The following ORAI2 variants were observed in gnomAD, a reference collection of about 807,000 sequenced individuals.
ORAI2 encodes ORAI calcium release-activated calcium modulator 2.
Under a neutral mutation model 16.2 loss-of-function variants are expected in ORAI2, and 10 were observed. The observed-to-expected ratio is 0.62, with a 90% CI of 0.38 to 1.04. The LOEUF (loss-of-function observed/expected upper bound fraction) is 1.04, where lower values mean the gene tolerates loss of function less well. ORAI2 is among the 50% of genes least tolerant of loss of function. ORAI2 has a pLI of 0.01. For missense variants in ORAI2, 238 were observed against 355.5 expected, an observed-to-expected ratio of 0.67 and a Z score of 2.66; for synonymous variants, 150 against 157.5, an observed-to-expected ratio of 0.95 and a Z score of 0.35.
chr7:102,444,506 GCCCCCCA>G (rs1797292442), intron 3 of ORAI2, among the ~76,000 whole-genome samples: 1 of 44,248 alleles, frequency 2.3e-5, no homozygotes, highest in African/African-American at 8.6e-5. Flanking sequence ...GCCCCCCCCC[GCCCCCCA>G]CCCTCCAGCC....
In ORAI2 at chr7:102,433,861, G is replaced by T. The variant is rs1228092724; in HGVS notation, c.-123+200G>T. ...GGCGCCCAGAGGATCAGGGTCGGCG[G>T]CGCAGCCGGTTCCGGACACCGGGGC... On this transcript the variant is annotated intron_variant, in intron 1 of 3. Coordinates refer to ENST00000495936, the MANE Select transcript of ORAI2 (RefSeq NM_001126340.3). The surrounding 1 kb of genome is among the most constrained non-coding windows in gnomAD (Gnocchi z 4.6). 6.6e-6 allele frequency among the ~76,000 whole-genome samples: 1 copy of T among 151,956 alleles called. No individual in the cohort carries two copies. The highest frequency in any genetic ancestry group is 6.5e-5 in the Admixed American group (1 of 15,268).
chr7:102,439,955 G>A lies in ORAI2; in HGVS notation c.225+774G>A, dbSNP rs533306902. ...AAATTAGCTGGGTATGGTAGCAGGC[G>A]CCTGTAATCCCAGCTACTTGGGAGG... On this transcript the variant is annotated intron_variant, in intron 3 of 3. Coordinates refer to ENST00000495936, the MANE Select transcript of ORAI2 (RefSeq NM_001126340.3). Among the ~76,000 whole-genome samples, 17 of 151,260 alleles carry A rather than the reference G, an allele frequency of 1.1e-4. No homozygotes were observed. The East Asian group carries it at 2.3e-3, about 21-fold the overall frequency.
chr7:102,446,167 T>C (rs1797357715), intron 3 of ORAI2, among the ~76,000 whole-genome samples: 1 of 152,246 alleles, frequency 6.6e-6, no homozygotes, highest in Non-Finnish European at 1.5e-5. Context: ...CAGGCTGGTC[T>C]CCAGCTCCTG....
intron 3 of ORAI2, among the ~76,000 whole-genome samples, chr7:102,442,237 G>T (rs538389445): frequency 1.3e-5 from 2 of 151,880 alleles, no homozygotes; most frequent in Admixed American, 6.6e-5. Flanking sequence ...CCAACATGGG[G>T]AAACCCTGTC....
At position 102,456,763 on chromosome 7, in the gene ORAI2, A is replaced by G. The variant is rs1797660064; in HGVS notation, c.*9711A>G. The G allele has an allele frequency of 6.6e-6, 1 of 152,234 alleles. No individual in the cohort carries two copies. Among genetic ancestry groups the G allele is most frequent in the South Asian group, 2.1e-4 (1 of 4,838 alleles). 9.4% of individuals were successfully genotyped at this position (152,234 alleles called of 1,614,324 possible). ...CACATTCCCCAAATGAAGGGACTGG[A>G]CAGTGAGATATCGGGAAACCCCATG... On this transcript the variant is annotated 3_prime_UTR_variant, in exon 4 of 4. Transcript: ENST00000495936.
rs1221498240 is a variant in ORAI2 at position 102,448,659 on chromosome 7, G to A, written c.*1607G>A. 2.0e-5 allele frequency: 3 copies of A among 149,684 alleles called. No homozygotes were observed. Among genetic ancestry groups the A allele is most frequent in the Non-Finnish European group, 4.4e-5 (3 of 67,854 alleles). 9.3% of individuals were successfully genotyped at this position (149,684 alleles called of 1,614,324 possible). A position where few individuals can be genotyped will look rare whatever the true frequency, so the allele number is the denominator to read the frequency against. Reference sequence around the variant, plus strand: ...GTGAACCCGGGAGGCAGAGCTTGCAGTGAGCTGAGATGGCGCCACTGCACT... The same window carrying A: ...GTGAACCCGGGAGGCAGAGCTTGCAATGAGCTGAGATGGCGCCACTGCACT... On this transcript the variant is annotated 3_prime_UTR_variant, in exon 4 of 4. Transcript: ENST00000495936.
Position 102,447,698 on chromosome 7 carries a change from G to A in ORAI2, c.*646G>A, listed in dbSNP as rs952694094. 2 of 152,790 alleles carry A rather than the reference G, an allele frequency of 1.3e-5. No homozygotes were observed. Among genetic ancestry groups the A allele is most frequent in the Non-Finnish European group, 2.9e-5 (2 of 68,526 alleles). 9.5% of individuals were successfully genotyped at this position (152,790 alleles called of 1,614,324 possible). On this transcript the variant is annotated 3_prime_UTR_variant, in exon 4 of 4. Coordinates refer to ENST00000495936, the MANE Select transcript of ORAI2 (RefSeq NM_001126340.3). ...GCAGTGGGGTCAGGCCCTGGGGGAT[G>A]TTTCCAATGGTGGGCAGCCTGGCCA...
intron 2 of ORAI2, among the ~76,000 whole-genome samples, chr7:102,438,108 G>A (rs2133222543): frequency 6.6e-6 from 1 of 151,900 alleles, no homozygotes; most frequent in Admixed American, 6.6e-5. Flanking sequence ...AGCACTTTGG[G>A]AGGCTGAGGC....
At chr7:102,442,154 G>C (rs900222787) in intron 3 of ORAI2, among the ~76,000 whole-genome samples, 4 of 152,148 alleles carry the variant, frequency 2.6e-5, no homozygotes, top group African/African-American at 7.2e-5. Flanking sequence ...GGTGGCTCAC[G>C]CCTGTAATCC....
intron 3 of ORAI2, 64 bp downstream of exon 3, chr7:102,439,245 G>A: frequency 7.2e-7 from 1 of 1,398,374 alleles, no homozygotes. Flanking sequence ...GAGGTCCCGG[G>A]ATGCCTCAGG....
chr7:102,444,588 T>C (rs540022932), intron 3 of ORAI2, among the ~76,000 whole-genome samples: 22 of 149,402 alleles, frequency 1.5e-4, no homozygotes, highest in African/African-American at 4.5e-4. Context: ...TGTTTTTTTT[T>C]CTTTAAACAG....
At position 102,446,932 on chromosome 7, in the gene ORAI2, C is replaced by T. The variant is rs778003988; in HGVS notation, c.645C>T (p.Thr215=). 5.6e-6 allele frequency: 9 copies of T among 1,612,874 alleles called. No homozygotes were observed. The highest frequency in any genetic ancestry group is 7.6e-6 in the Non-Finnish European group (9 of 1,179,966). ...VPVGLIFVVF[T]IHFYRSLVRH... is the part of the protein sequence containing the mutation. ...TGGGCCTCATCTTCGTGGTCTTCACCATCCACTTCTACCGCTCCCTGGTGC... is the reference window on the plus strand; with the variant it reads ...TGGGCCTCATCTTCGTGGTCTTCACTATCCACTTCTACCGCTCCCTGGTGC... Residue 215 remains threonine (T), a synonymous_variant, in exon 4 of 4, where the codon ACC becomes ACT. Transcript: ENST00000495936.
Position 102,453,744 on chromosome 7 carries a change from T to C in ORAI2, c.*6692T>C, listed in dbSNP as rs1272027762. 2 of 152,254 alleles carry C rather than the reference T, an allele frequency of 1.3e-5. No homozygotes were observed. Among genetic ancestry groups the C allele is most frequent in the Non-Finnish European group, 2.9e-5 (2 of 68,106 alleles). The allele number at this position is 152,254 out of a possible 1,614,324, so 9.4% of individuals were successfully genotyped here. On this transcript the variant is annotated 3_prime_UTR_variant, in exon 4 of 4. Transcript: ENST00000495936. ...AGATCATCGACGCAGACTTTTTTTT[T>C]CCCAGATAGAGTCTCACTCTGTCGT...
chr7:102,439,956 C>T (rs989038037), intron 3 of ORAI2, among the ~76,000 whole-genome samples: 4 of 151,908 alleles, frequency 2.6e-5, no homozygotes, highest in Admixed American at 1.3e-4. Flanking sequence ...GTAGCAGGCG[C>T]CTGTAATCCC....
chr7:102,444,959 G>A (rs367989654), intron 3 of ORAI2, among the ~76,000 whole-genome samples: 7 of 152,066 alleles, frequency 4.6e-5, no homozygotes, highest in South Asian at 4.2e-4. Flanking sequence ...GAGCCACCGC[G>A]CCTGGCTGAC....
intron 3 of ORAI2, among the ~76,000 whole-genome samples, chr7:102,443,706 GTCT>G (rs1797274343): frequency 6.6e-6 from 1 of 151,518 alleles, no homozygotes; most frequent in African/African-American, 2.4e-5. Flanking sequence ...GGACTGCCAT[GTCT>G]TCTTTTTTCT....
At chr7:102,441,680 TC>T (rs1309319970) in intron 3 of ORAI2, among the ~76,000 whole-genome samples, 3 of 151,970 alleles carry the variant, frequency 2.0e-5, no homozygotes, top group Non-Finnish European at 4.4e-5. Context: ...TTTGTTTTTT[TC>T]CCCCAAGTAT....
chr7:102,440,443 C>G (rs1797167229), intron 3 of ORAI2, among the ~76,000 whole-genome samples: 4 of 152,238 alleles, frequency 2.6e-5, no homozygotes, highest in African/African-American at 9.6e-5. Context: ...GACCCACACC[C>G]CTGGAGGGAA....
At position 102,453,989 on chromosome 7, in the gene ORAI2, A is replaced by T. The variant is rs1050113066; in HGVS notation, c.*6937A>T. ...AGTGATCCTCCTGCCTCAGCCTCCC[A>T]AAGTGCTGGGATTATAGGCGTGAGC... is the stretch of plus-strand genomic sequence containing the variant. On this transcript the variant is annotated 3_prime_UTR_variant, in exon 4 of 4. Transcript: ENST00000495936. The T allele has an allele frequency of 1.3e-5, 2 of 152,084 alleles. No individual in the cohort carries two copies. The highest frequency in any genetic ancestry group is 1.5e-5 in the Non-Finnish European group (1 of 68,074). The allele number at this position is 152,084 out of a possible 1,614,324, so 9.4% of individuals were successfully genotyped here.
Sources: allele counts gnomAD v4.1 joint callset (sites outside exome capture counted in the v4.1 genomes callset), GRCh38; gene constraint gnomAD v4.1.1; non-coding constraint Gnocchi (gnomAD v3.1); transcripts MANE v1.5; gene names NCBI Gene and HGNC (gene_info 2026-07-23, HGNC 2026-07-21).